Variants in ZXDC observed in about 807,000 individuals in gnomAD.
ZXDC encodes ZXD family zinc finger C, also known as zinc finger protein ZXDC.
In ZXDC, 58 loss-of-function variants were observed where a neutral mutation model predicts 63.6. The observed-to-expected ratio is 0.91, with a 90% CI of 0.74 to 1.13. The LOEUF (loss-of-function observed/expected upper bound fraction) is 1.13, where lower values mean the gene tolerates loss of function less well. Among genes scored for constraint, ZXDC ranks in the 50% most tolerant of loss-of-function variants. The pLI is 0.00. For synonymous variants in ZXDC, 561 were observed against 496.1 expected (o/e 1.13, Z -1.74); for missense variants, 1,133 against 1,148.9 (o/e 0.99, Z 0.20).
rs1934770412 is a variant in ZXDC, at chr3:126,466,450, A to G, written c.1271-125T>C. 5.0e-6 allele frequency: 5 copies of G among 998,924 alleles called. No individual in the cohort carries two copies. The South Asian group carries it at 7.2e-5, about 14-fold the overall frequency. 61.9% of individuals were successfully genotyped at this position (998,924 alleles called of 1,614,324 possible). A position where few individuals can be genotyped will look rare whatever the true frequency, so the allele number is the denominator to read the frequency against. ...TTGCACCCTGGCTACTGGCAAGGAC[A>G]GAGACCAAATATCTCTAGAAGTAGC... On this transcript the variant is annotated intron_variant, in intron 4 of 9. Transcript: ENST00000389709.
At chr3:126,453,125 G>A (rs1934171656) in intron 7 of ZXDC, 1 of 985,306 alleles carries the variant, frequency 1.0e-6, no homozygotes, top group African/African-American at 1.7e-5. Flanking sequence ...GGAGAACTGA[G>A]GAACTATTCA....
Position 126,455,119 on chromosome 3 carries a change from T to A in ZXDC, c.2212+4534A>T, listed in dbSNP as rs966272349. On this transcript the variant is annotated intron_variant, in intron 7 of 9. Transcript: ENST00000389709. ...TTATTACAGGTCCATAGTCTCTCAATCACAAATGTTGAAACCAAAAAATCC... is the reference window on the plus strand; with the variant it reads ...TTATTACAGGTCCATAGTCTCTCAAACACAAATGTTGAAACCAAAAAATCC... 3.8e-5 allele frequency: 37 copies of A among 985,034 alleles called. No homozygotes were observed. The African/African-American group carries it at 5.8e-4, about 15-fold the overall frequency. The allele number at this position is 985,034 out of a possible 1,614,324, so 61.0% of individuals were successfully genotyped here.
intron 5 of ZXDC, 71 bp from the exon 6 acceptor site, chr3:126,462,291 G>A (rs1255359460): frequency 3.3e-6 from 5 of 1,506,304 alleles, no homozygotes; most frequent in Admixed American, 4.3e-5. Context: ...TTATGCCCAT[G>A]ATGTTACCGA....
At chr3:126,440,763 A>C in intron 8 of ZXDC, 1 of 986,106 alleles carries the variant, frequency 1.0e-6, no homozygotes, top group Non-Finnish European at 1.2e-6. Flanking sequence ...CAACCAGCAC[A>C]GGGCCACCCC....
At chr3:126,447,000 G>C in intron 7 of ZXDC, among the ~76,000 whole-genome samples, 1 of 152,192 alleles carries the variant, frequency 6.6e-6, no homozygotes, top group East Asian at 1.9e-4. Context: ...CCTGTGCTGA[G>C]TGCTCACCCT....
At chr3:126,439,872 C>A (rs891570325) in intron 8 of ZXDC, 145 bp from the exon 9 acceptor site, 82 of 1,437,626 alleles carry the variant, frequency 5.7e-5, no homozygotes, top group Admixed American at 2.6e-4. Context: ...GAGGACCCAG[C>A]AGGAATTGTT....
intron 4 of ZXDC, among the ~76,000 whole-genome samples, chr3:126,466,769 G>A (rs1934785222): frequency 6.6e-6 from 1 of 152,152 alleles, no homozygotes; most frequent in South Asian, 2.1e-4. Flanking sequence ...ACCAAAGCCA[G>A]TCCTTTCACT....
In ZXDC at chr3:126,441,879, G is replaced by T. The variant is rs751350385; in HGVS notation, c.2280C>A (p.Ser760Arg). 6.2e-7 allele frequency: 1 copy of T among 1,613,872 alleles called. No homozygotes were observed. Among genetic ancestry groups the T allele is most frequent in the Middle Eastern group, 1.6e-4 (1 of 6,062 alleles). The change falls in exon 8 of 10, where the codon AGC becomes AGA. Residue 760 changes from serine to arginine, a missense_variant. Physicochemically the swap from Ser to Arg is moderately radical, Grantham distance 110. Transcript: ENST00000389709. ...GKMSPPHFHA[S>R]QNSWLCGSLV... ...GGCTCCCACACAACCAACTGTTCTGGCTTGCATGGAAATGGGGAGGACTCA... is the reference window on the plus strand; with the variant it reads ...GGCTCCCACACAACCAACTGTTCTGTCTTGCATGGAAATGGGGAGGACTCA...
At chr3:126,450,267 T>C in intron 7 of ZXDC, 1 of 450,448 alleles carries the variant, frequency 2.2e-6, no homozygotes, top group South Asian at 1.6e-5. Flanking sequence ...GTCAGTGGTG[T>C]GGAGGGAGCC....
At chr3:126,440,352 C>T (rs1933630314) in intron 8 of ZXDC, 1 of 986,688 alleles carries the variant, frequency 1.0e-6, no homozygotes, top group Admixed American at 6.1e-5. Flanking sequence ...GTTTGAGAAG[C>T]TCCTGTGTGT....
At position 126,438,185 on chromosome 3, in the gene ZXDC, GTA is replaced by G; in HGVS notation, c.*188_*189del. On this transcript the variant is annotated 3_prime_UTR_variant, in exon 10 of 10. Coordinates refer to ENST00000389709, the MANE Select transcript of ZXDC (RefSeq NM_025112.5). Reference sequence around the variant, plus strand: ...TTGCTCACAAAGGCAGTTTCAAAGAGTATAGCCCGAACTCATTCCTGGTAAAA... The same window carrying G: ...TTGCTCACAAAGGCAGTTTCAAAGAGTAGCCCGAACTCATTCCTGGTAAAA... 3 of 619,110 alleles carry G rather than the reference GTA, an allele frequency of 4.8e-6. No individual in the cohort carries two copies. The Admixed American group carries it at 7.9e-5, about 16-fold the overall frequency. 38.4% of individuals were successfully genotyped at this position (619,110 alleles called of 1,614,324 possible).
intron 4 of ZXDC, among the ~76,000 whole-genome samples, chr3:126,470,218 G>C (rs1934930994): frequency 6.6e-6 from 1 of 152,192 alleles, no homozygotes; most frequent in Non-Finnish European, 1.5e-5. Flanking sequence ...TGTAATCCCA[G>C]CACTTTGGGA....
At position 126,457,217 on chromosome 3, in the gene ZXDC, C is replaced by T. The variant is rs1017981041; in HGVS notation, c.2212+2436G>A. 9 of 977,602 alleles carry T rather than the reference C, an allele frequency of 9.2e-6. No individual in the cohort carries two copies. In the Admixed American group the frequency reaches 5.5e-4, roughly 60 times the overall value. The allele number at this position is 977,602 out of a possible 1,614,324, so 60.6% of individuals were successfully genotyped here. ...CAGGACTGCGGCCACAGGGGACTCT[C>T]AGCTGTGATAAATGCAGCATGAGTA... On this transcript the variant is annotated intron_variant, in intron 7 of 9. Coordinates refer to ENST00000389709, the MANE Select transcript of ZXDC (RefSeq NM_025112.5).
chr3:126,457,281 C>A, intron 7 of ZXDC: 6 of 985,370 alleles, frequency 6.1e-6, no homozygotes, highest in Non-Finnish European at 7.2e-6. Flanking sequence ...GCAAAGGCAT[C>A]CCCGCCAGAG....
At chr3:126,450,028 G>C (rs943977089) in intron 7 of ZXDC, among the ~76,000 whole-genome samples, 2 of 152,208 alleles carry the variant, frequency 1.3e-5, no homozygotes, top group Admixed American at 6.5e-5. Context: ...GAAGTTCACT[G>C]CCACCAAGCA....
At chr3:126,466,042 C>CA in intron 5 of ZXDC, 113 bp downstream of exon 5, 12 of 1,323,328 alleles carry the variant, frequency 9.1e-6, no homozygotes, top group Non-Finnish European at 1.1e-5. Context: ...GCCACGCCCA[C>CA]AACCCCACTG....
chr3:126,441,035 C>T (rs1025125993), intron 8 of ZXDC: 11 of 985,444 alleles, frequency 1.1e-5, no homozygotes, highest in Non-Finnish European at 1.3e-5. Context: ...ACACCTGGGC[C>T]AAACCCAGAC....
At chr3:126,453,430 T>C (rs1299812611) in intron 7 of ZXDC, 34 of 985,378 alleles carry the variant, frequency 3.5e-5, no homozygotes, top group South Asian at 4.7e-5. Context: ...TCTGTTCTGA[T>C]AGGAAGACAT....
At chr3:126,474,869 G>A (rs996681739) in intron 1 of ZXDC, 90 bp downstream of exon 1, 10 of 1,407,816 alleles carry the variant, frequency 7.1e-6, no homozygotes, top group African/African-American at 5.8e-5. Context: ...GGCTTGCTAA[G>A]GTCTGGCAGG....
Sources: allele counts gnomAD v4.1 joint callset (sites outside exome capture counted in the v4.1 genomes callset), GRCh38; gene constraint gnomAD v4.1.1; transcripts MANE v1.5; gene names NCBI Gene and HGNC (gene_info 2026-07-23, HGNC 2026-07-21).